LRBA: variants seen among roughly 807,000 people sequenced by gnomAD.
LRBA encodes the protein lipopolysaccharide-responsive and beige-like anchor protein.
A neutral mutation model predicts 330.0 loss-of-function variants in LRBA; 176 were observed. That is an observed-to-expected ratio of 0.53 (90% CI 0.47 to 0.60). The LOEUF (loss-of-function observed/expected upper bound fraction) is 0.60, where lower values mean the gene tolerates loss of function less well. Ranked by LOEUF, LRBA falls within the 20% of genes least tolerant of loss-of-function variation. The pLI, the probability that LRBA is intolerant of heterozygous loss-of-function variation, is 0.00. For synonymous variants in LRBA, 1,230 were observed against 1,193.0 expected (o/e 1.03, Z -0.64); for missense variants, 3,259 against 3,444.8 (o/e 0.95, Z 1.35).
At chr4:150,592,144 GTTTT>G (rs10685627) in intron 38 of LRBA, among the ~76,000 whole-genome samples, 10 of 65,188 alleles carry the variant, frequency 1.5e-4, no homozygotes, top group East Asian at 1.3e-3. Flanking sequence ...GATGGCTAGG[GTTTT>G]TTTTTTTTTT....
intron 40 of LRBA, among the ~76,000 whole-genome samples, chr4:150,524,126 A>G (rs1464146892): frequency 6.6e-6 from 1 of 152,206 alleles, no homozygotes; most frequent in Admixed American, 6.5e-5. Context: ...AGAGTACTAT[A>G]TATTATCTAA....
intron 30 of LRBA, among the ~76,000 whole-genome samples, chr4:150,821,619 A>G (rs950922315): frequency 6.6e-6 from 1 of 152,170 alleles, no homozygotes; most frequent in African/African-American, 2.4e-5. Context: ...TCAGTTTCAA[A>G]TATCACAAAC....
chr4:150,465,106 A>G (rs1287610649), intron 44 of LRBA, among the ~76,000 whole-genome samples: 2 of 151,996 alleles, frequency 1.3e-5, no homozygotes, highest in Non-Finnish European at 2.9e-5. Flanking sequence ...TTTTGTCTCT[A>G]TAAATTTCAC....
Position 150,835,104 on chromosome 4 carries a change from C to A in LRBA, c.4570-3128G>T, listed in dbSNP as rs527353207. On this transcript the variant is annotated intron_variant, in intron 28 of 56. Coordinates refer to ENST00000651943, the MANE Select transcript of LRBA (RefSeq NM_001364905.1). ...TGTTTTTGTCAGGTTTGTCGAAGAT[C>A]AGATAGTTGTAGATGTGTGGTGTTA... 4.6e-5 allele frequency among the ~76,000 whole-genome samples: 7 copies of A among 152,238 alleles called. No individual in the cohort carries two copies. The South Asian group carries it at 1.2e-3, about 27-fold the overall frequency.
intron 30 of LRBA, among the ~76,000 whole-genome samples, chr4:150,824,727 TCAGA>T (rs919972587): frequency 1.3e-5 from 2 of 152,194 alleles, no homozygotes; most frequent in Admixed American, 6.5e-5. Context: ...TTGTGTATGC[TCAGA>T]CATTCTTGCA....
chr4:150,446,176 G>A (rs550059645), intron 44 of LRBA, among the ~76,000 whole-genome samples: 5 of 152,264 alleles, frequency 3.3e-5, no homozygotes. Context: ...AGGGTAAGGG[G>A]AAAATCGATG....
intron 2 of LRBA, among the ~76,000 whole-genome samples, chr4:150,945,036 T>C (rs1363373898): frequency 1.3e-5 from 2 of 152,202 alleles, no homozygotes; most frequent in African/African-American, 2.4e-5. Context: ...GTGAGTCCAT[T>C]AAAACTCACT....
At chr4:150,624,476 G>C (rs1776655804) in intron 37 of LRBA, among the ~76,000 whole-genome samples, 2 of 152,048 alleles carry the variant, frequency 1.3e-5, no homozygotes, top group Admixed American at 1.3e-4. Flanking sequence ...GCTTTCTCCT[G>C]TCAGAATTCT....
Position 150,329,307 on chromosome 4 carries a change from T to A in LRBA, c.7363-3409A>T, listed in dbSNP as rs191612600. Among the ~76,000 whole-genome samples, 210 of 152,308 alleles carry A rather than the reference T, an allele frequency of 1.4e-3. 1 individual carries two copies. Among genetic ancestry groups the A allele is most frequent in the Non-Finnish European group, 2.4e-3 (164 of 68,018 alleles). On this transcript the variant is annotated intron_variant, in intron 48 of 56. Transcript: ENST00000651943. ...AAGTGTGAAAATTATAGAATAAGAT[T>A]GTAAGGTAATGACTATGATCTCAAA...
chr4:150,993,641 T>C (rs185748862), intron 2 of LRBA, among the ~76,000 whole-genome samples: 47 of 152,252 alleles, frequency 3.1e-4, no homozygotes, highest in Admixed American at 2.4e-3. Flanking sequence ...GGCCTCAGGA[T>C]CATGGAGGGA....
At chr4:150,892,498 C>T (rs1486853554) in intron 17 of LRBA, among the ~76,000 whole-genome samples, 1 of 152,188 alleles carries the variant, frequency 6.6e-6, no homozygotes, top group Non-Finnish European at 1.5e-5. Flanking sequence ...AGGATGTAGG[C>T]AACCCAAGAG....
chr4:150,421,178 A>G (rs1748730711), intron 46 of LRBA, among the ~76,000 whole-genome samples: 1 of 133,000 alleles, frequency 7.5e-6, no homozygotes, highest in Non-Finnish European at 1.5e-5. Context: ...TATAATACAT[A>G]GATAATATAT....
intron 2 of LRBA, among the ~76,000 whole-genome samples, chr4:151,003,428 T>A (rs1579464763): frequency 6.9e-6 from 1 of 145,016 alleles, no homozygotes. Flanking sequence ...ATCCTAAAAC[T>A]CATATGGAAC....
chr4:150,546,639 G>A (rs1765890204), intron 40 of LRBA, among the ~76,000 whole-genome samples: 1 of 152,186 alleles, frequency 6.6e-6, no homozygotes, highest in South Asian at 2.1e-4. Context: ...TTAACATAGA[G>A]ACTCATTAAA....
intron 2 of LRBA, among the ~76,000 whole-genome samples, chr4:150,988,674 G>A (rs1021753775): frequency 1.3e-5 from 2 of 152,008 alleles, no homozygotes; most frequent in Non-Finnish European, 2.9e-5. Flanking sequence ...TGTCTCCCGG[G>A]TTCAAGCTAT....
chr4:150,745,012 AG>A (rs1213058684), intron 35 of LRBA, among the ~76,000 whole-genome samples: 5 of 152,206 alleles, frequency 3.3e-5, no homozygotes, highest in Admixed American at 2.6e-4. Flanking sequence ...GCCATGAGAC[AG>A]GGAAGTATGG....
At chr4:150,332,143 T>C (rs891700394) in intron 48 of LRBA, among the ~76,000 whole-genome samples, 2 of 152,206 alleles carry the variant, frequency 1.3e-5, no homozygotes, top group African/African-American at 4.8e-5. Context: ...TGTTACCAAC[T>C]ACTCATCTTT....
intron 44 of LRBA, among the ~76,000 whole-genome samples, chr4:150,442,181 C>T (rs1172626137): frequency 6.6e-6 from 1 of 152,002 alleles, no homozygotes; most frequent in East Asian, 1.9e-4. Context: ...CTTTTAAAAC[C>T]CAAAAGTCTC....
In LRBA at chr4:150,674,426, C is replaced by T. The variant is rs1180649108; in HGVS notation, c.5921+9125G>A. Among the ~76,000 whole-genome samples the T allele has an allele frequency of 2.0e-5, 3 of 150,324 alleles. No homozygotes were observed. The East Asian group carries it at 5.8e-4, about 29-fold the overall frequency. The stretch of plus-strand genomic sequence containing the variant: ...AAAAAAAGCTTTATTACTTGAAAAA[C>T]CAAGAATGCTTCTGAACCTTCATTT... On this transcript the variant is annotated intron_variant, in intron 37 of 56. Coordinates refer to ENST00000651943, the MANE Select transcript of LRBA (RefSeq NM_001364905.1).
Sources: allele counts gnomAD v4.1 joint callset (sites outside exome capture counted in the v4.1 genomes callset), GRCh38; gene constraint gnomAD v4.1.1; transcripts MANE v1.5; gene names NCBI Gene and HGNC (gene_info 2026-07-23, HGNC 2026-07-21).